Variants in ZC3H7B observed in about 807,000 individuals in gnomAD.
ZC3H7B encodes the protein zinc finger CCCH-type containing 7B, also known as zinc finger CCCH domain-containing protein 7B.
In ZC3H7B, 35 loss-of-function variants were observed where a neutral mutation model predicts 116.0. That is an observed-to-expected ratio of 0.30 (90% CI 0.23 to 0.40). ZC3H7B has a LOEUF of 0.40. Ranked by LOEUF, ZC3H7B falls within the 10% of genes least tolerant of loss-of-function variation. ZC3H7B has a pLI of 1.00. For synonymous variants in ZC3H7B, 502 were observed against 545.6 expected, an observed-to-expected ratio of 0.92 and a Z score of 1.11; for missense variants, 1,011 against 1,321.5, an observed-to-expected ratio of 0.77 and a Z score of 3.64.
chr22:41,351,718 T>G lies in ZC3H7B; in HGVS notation c.2034+72T>G. Reference sequence around the variant, plus strand: ...CCCCAAATTACAAACAGGAAGGCTCTAATTTTACAATAGAGAAATGTTTAC... The same window carrying G: ...CCCCAAATTACAAACAGGAAGGCTCGAATTTTACAATAGAGAAATGTTTAC... On this transcript the variant is annotated intron_variant, in intron 17 of 22. Transcript: ENST00000352645. The surrounding 1 kb of genome is among the most constrained non-coding windows in gnomAD (Gnocchi z 5.1). 1 of 1,452,726 alleles carries G rather than the reference T, an allele frequency of 6.9e-7. No individual in the cohort carries two copies. The highest frequency in any genetic ancestry group is 9.4e-7 in the Non-Finnish European group (1 of 1,060,286). 90.0% of individuals were successfully genotyped at this position (1,452,726 alleles called of 1,614,324 possible). A position where few individuals can be genotyped will look rare whatever the true frequency, so the allele number is the denominator to read the frequency against.
intron 1 of ZC3H7B, among the ~76,000 whole-genome samples, chr22:41,311,662 G>A (rs1414480388): frequency 6.6e-6 from 1 of 152,068 alleles, no homozygotes; most frequent in East Asian, 1.9e-4. Flanking sequence ...GGAAGGGGGT[G>A]GGCCTGGCAG....
intron 9 of ZC3H7B, 127 bp downstream of exon 9, chr22:41,339,318 C>A: frequency 8.5e-7 from 1 of 1,174,508 alleles, no homozygotes; most frequent in Non-Finnish European, 1.2e-6. Context: ...TCAGTAGGGA[C>A]TTGTTTGGTA....
At chr22:41,303,265 A>T (rs2035997459) in intron 1 of ZC3H7B, among the ~76,000 whole-genome samples, 1 of 152,160 alleles carries the variant, frequency 6.6e-6, no homozygotes, top group South Asian at 2.1e-4. Flanking sequence ...GAGGGATGAG[A>T]TCTGAGGATG....
At chr22:41,356,113 C>T in intron 20 of ZC3H7B, 51 bp downstream of exon 20, 7 of 1,497,754 alleles carry the variant, frequency 4.7e-6, no homozygotes, top group Non-Finnish European at 5.4e-6. Context: ...CTCTTCAGTG[C>T]TGAATGTCTC....
intron 1 of ZC3H7B, among the ~76,000 whole-genome samples, chr22:41,310,233 G>A (rs2036101025): frequency 6.6e-6 from 1 of 152,054 alleles, no homozygotes; most frequent in South Asian, 2.1e-4. Flanking sequence ...AAACTTACAG[G>A]ATAATTATGT....
In ZC3H7B at chr22:41,357,393, C is replaced by T. The variant is rs1388695260; in HGVS notation, c.2898C>T (p.Ala966=). The change falls in exon 23 of 23, where the codon GCC becomes GCT. Residue 966 remains alanine, a synonymous_variant. Coordinates refer to ENST00000352645, the MANE Select transcript of ZC3H7B (RefSeq NM_017590.6). The surrounding 1 kb of genome is among the most constrained non-coding windows in gnomAD (Gnocchi z 5.4). ...DGDLAGATPE[A]PAAAATATTG... is the part of the protein sequence containing the mutation. ...ACCTTGCCGGTGCCACCCCAGAAGC[C>T]CCTGCTGCTGCTGCCACCGCCACCA... 6.2e-7 allele frequency: 1 copy of T among 1,613,118 alleles called. No individual in the cohort carries two copies. The highest frequency in any genetic ancestry group is 8.5e-7 in the Non-Finnish European group (1 of 1,179,884).
Position 41,359,508 on chromosome 22 carries a change from TC to T in ZC3H7B, c.*2083del. 6.6e-6 allele frequency: 1 copy of T among 152,170 alleles called. No individual in the cohort carries two copies. Among genetic ancestry groups the T allele is most frequent in the Non-Finnish European group, 1.5e-5 (1 of 68,036 alleles). The allele number at this position is 152,170 out of a possible 1,614,324, so 9.4% of individuals were successfully genotyped here. On this transcript the variant is annotated 3_prime_UTR_variant, in exon 23 of 23. Transcript: ENST00000352645. ...GGGCAGCCAGGGACAGGAGCCACCC[TC>T]CCCAGGCCCAACTCTGCTAGCTTCC...
In ZC3H7B at chr22:41,338,867, T is replaced by C; in HGVS notation, c.626-134T>C. 1 of 1,040,618 alleles carries C rather than the reference T, an allele frequency of 9.6e-7. No individual in the cohort carries two copies. Among genetic ancestry groups the C allele is most frequent in the South Asian group, 1.8e-5 (1 of 55,622 alleles). The allele number at this position is 1,040,618 out of a possible 1,614,324, so 64.5% of individuals were successfully genotyped here. ...AGCATCTGCCAGTGGGATCAGCCGA[T>C]GGGGAAGGCAGGGCTCCTGGCAAGA... On this transcript the variant is annotated intron_variant, in intron 8 of 22. Transcript: ENST00000352645. This position sits in a 1 kb window ranked among gnomAD's most constrained non-coding sequence, Gnocchi z 4.5.
In ZC3H7B at chr22:41,344,975, C is replaced by T. The variant is rs973306509; in HGVS notation, c.1460-1028C>T. ...CACATGCCACCACACCCAGCTTATT[C>T]TTTAATTTTTAACTTTTTTGTAGAG... On this transcript the variant is annotated intron_variant, in intron 13 of 22. Transcript: ENST00000352645. Among the ~76,000 whole-genome samples, 5 of 152,194 alleles carry T rather than the reference C, an allele frequency of 3.3e-5. 1 individual carries two copies. The highest frequency in any genetic ancestry group is 3.3e-4 in the Admixed American group (5 of 15,274).
chr22:41,316,441 G>A (rs947379922), intron 1 of ZC3H7B, among the ~76,000 whole-genome samples: 4 of 150,770 alleles, frequency 2.7e-5, no homozygotes, highest in East Asian at 2.0e-4. Context: ...GATTACAGGC[G>A]CATGCCATCG....
Position 41,327,310 on chromosome 22 carries a change from A to C in ZC3H7B, c.390A>C (p.Gly130=). The C allele has an allele frequency of 1.9e-6, 3 of 1,613,750 alleles. No homozygotes were observed. Among genetic ancestry groups the C allele is most frequent in the Non-Finnish European group, 1.7e-6 (2 of 1,180,040 alleles). The stretch of plus-strand genomic sequence containing the variant: ...AGGCACGCGCTCTCAATGAACTGGG[A>C]CGCCACAAGGAGGCCTACGAGTGCA... ...FRKARALNEL[G]RHKEAYECSS... is the part of the protein sequence containing the mutation. Residue 130 remains glycine (G), a synonymous_variant, in exon 5 of 23, where the codon GGA becomes GGC. Transcript: ENST00000352645. The surrounding 1 kb of genome is among the most constrained non-coding windows in gnomAD (Gnocchi z 4.5).
rs145926085 is a variant in ZC3H7B, at chr22:41,339,056, G to A, written c.681G>A (p.Met227Ile). 316 of 1,609,886 alleles carry A rather than the reference G, an allele frequency of 2.0e-4. No homozygotes were observed. Among genetic ancestry groups the A allele is most frequent in the Admixed American group, 5.7e-4 (34 of 59,784 alleles). ...CCCTTCTCCCCTCCACGCCCACGAT[G>A]CCCCTGTTCCCTCACGTTCTGGACC... ...SPALLPSTPT[M>I]PLFPHVLDLL... Residue 227 changes from methionine (M) to isoleucine (I), a missense_variant, in exon 9 of 23, where the codon ATG (methionine) becomes ATA (isoleucine). Met to Ile is a conservative substitution (Grantham distance 10). Around this residue, in one of 5 missense-constraint regions of ZC3H7B, gnomAD observed 322 missense variants for 443.9 expected, o/e 0.73. Transcript: ENST00000352645.
intron 14 of ZC3H7B, among the ~76,000 whole-genome samples, chr22:41,347,191 C>G (rs1363980712): frequency 6.6e-6 from 1 of 152,210 alleles, no homozygotes; most frequent in Non-Finnish European, 1.5e-5. Context: ...CAGCCAAACC[C>G]CCAGGACACA....
chr22:41,311,206 G>C (rs1475204591), intron 1 of ZC3H7B, among the ~76,000 whole-genome samples: 2 of 151,932 alleles, frequency 1.3e-5, no homozygotes, highest in Non-Finnish European at 2.9e-5. Context: ...GCATATTGGA[G>C]GGGGTGCATT....
chr22:41,326,691 AT>A (rs1281296374), intron 4 of ZC3H7B, among the ~76,000 whole-genome samples: 1 of 152,180 alleles, frequency 6.6e-6, no homozygotes, highest in African/African-American at 2.4e-5. Flanking sequence ...ACTCAGGTTC[AT>A]GAGATCCTGT....
chr22:41,339,300 A>G (rs1249304614), intron 9 of ZC3H7B, 109 bp downstream of exon 9: 2 of 1,338,502 alleles, frequency 1.5e-6, no homozygotes, highest in Non-Finnish European at 2.0e-6. Flanking sequence ...GTGTCTCAGG[A>G]GGAGGCCTCA....
At position 41,351,726 on chromosome 22, in the gene ZC3H7B, C is replaced by A; in HGVS notation, c.2034+80C>A. ...TACAAACAGGAAGGCTCTAATTTTA[C>A]AATAGAGAAATGTTTACAATGGAGG... On this transcript the variant is annotated intron_variant, in intron 17 of 22. Transcript: ENST00000352645. The surrounding 1 kb of genome is among the most constrained non-coding windows in gnomAD (Gnocchi z 5.1). The A allele has an allele frequency of 1.4e-6, 2 of 1,405,074 alleles. No homozygotes were observed. Among genetic ancestry groups the A allele is most frequent in the Non-Finnish European group, 2.0e-6 (2 of 1,019,700 alleles). The allele number at this position is 1,405,074 out of a possible 1,614,324, so 87.0% of individuals were successfully genotyped here.
intron 5 of ZC3H7B, 44 bp from the exon 6 acceptor site, chr22:41,329,979 G>T (rs1248028946): frequency 6.2e-7 from 1 of 1,603,486 alleles, no homozygotes; most frequent in Non-Finnish European, 8.5e-7. Flanking sequence ...AGCTTTGTGA[G>T]CCCGGGCAGA....
intron 17 of ZC3H7B, among the ~76,000 whole-genome samples, chr22:41,353,097 A>G (rs1385433075): frequency 1.3e-5 from 2 of 151,770 alleles, no homozygotes; most frequent in South Asian, 2.1e-4. Flanking sequence ...AAAAAGAAGA[A>G]AAAAAGGTCT....
Sources: allele counts gnomAD v4.1 joint callset (sites outside exome capture counted in the v4.1 genomes callset), GRCh38; gene constraint gnomAD v4.1.1; regional missense constraint gnomAD v4.1.1; non-coding constraint Gnocchi (gnomAD v3.1); transcripts MANE v1.5; gene names NCBI Gene and HGNC (gene_info 2026-07-23, HGNC 2026-07-21).